Variants in HROB observed in about 807,000 individuals in gnomAD.
HROB encodes homologous recombination OB-fold protein.
In HROB, 44 loss-of-function variants were observed where a neutral mutation model predicts 61.0. The ratio of observed to expected loss-of-function variants is 0.72; its 90% CI spans 0.57 to 0.93. The LOEUF (loss-of-function observed/expected upper bound fraction) is 0.93, where lower values mean the gene tolerates loss of function less well. Among genes scored for constraint, HROB ranks in the 40% least tolerant of loss-of-function variants. The pLI, the probability that HROB is intolerant of heterozygous loss-of-function variation, is 0.00. For missense variants in HROB, 716 were observed against 796.2 expected (o/e 0.90, Z 1.21); for synonymous variants, 301 against 310.4 (o/e 0.97, Z 0.32).
chr17:44,160,345 A>T (rs940592963), intron 9 of HROB, among the ~76,000 whole-genome samples: 2 of 152,194 alleles, frequency 1.3e-5, no homozygotes, highest in East Asian at 3.9e-4. Flanking sequence ...AGGTGGGCGG[A>T]TCACGAGGTC....
In HROB at chr17:44,152,921, C is replaced by G. The variant is rs1282894191; in HGVS notation, c.1449+144C>G. ...CAGCACGAAGCCCCTTTGGTTGTAT[C>G]TTCCACTTACCTACCTTTTCACTGT... On this transcript the variant is annotated intron_variant, in intron 5 of 9. Coordinates refer to ENST00000585683, the MANE Select transcript of HROB (RefSeq NM_001171251.3). The G allele has an allele frequency of 2.9e-6, 3 of 1,038,506 alleles. No homozygotes were observed. The African/African-American group carries it at 4.8e-5, about 17-fold the overall frequency. The allele number at this position is 1,038,506 out of a possible 1,614,324, so 64.3% of individuals were successfully genotyped here. A position where few individuals can be genotyped will look rare whatever the true frequency, so the allele number is the denominator to read the frequency against.
intron 2 of HROB, among the ~76,000 whole-genome samples, chr17:44,146,234 G>A (rs893127457): frequency 1.3e-5 from 2 of 152,090 alleles, no homozygotes; most frequent in African/African-American, 4.8e-5. Flanking sequence ...TTTTTTTGTA[G>A]AGACAGGGTC....
chr17:44,148,685 T>C lies in HROB; in HGVS notation c.882T>C (p.Asn294=), dbSNP rs756598724. The change falls in exon 3 of 10, where the codon AAT becomes AAC. Residue 294 remains asparagine, a synonymous_variant. Coordinates refer to ENST00000585683, the MANE Select transcript of HROB (RefSeq NM_001171251.3). The stretch of plus-strand genomic sequence containing the variant: ...GGACCATTCAGAGCAGCCCTCAAAA[T>C]CGTTTCCCTTGTCAGCCATTCCAGT... ...ARGTIQSSPQ[N]RFPCQPFQSP... The C allele has an allele frequency of 6.2e-7, 1 of 1,614,046 alleles. No individual in the cohort carries two copies. Among genetic ancestry groups the C allele is most frequent in the East Asian group, 2.2e-5 (1 of 44,894 alleles).
chr17:44,147,048 T>TGTGTGAGA (rs141060194), intron 2 of HROB, among the ~76,000 whole-genome samples: 2 of 149,208 alleles, frequency 1.3e-5, no homozygotes, highest in African/African-American at 5.0e-5. Flanking sequence ...TGTGTGTGTG[T>TGTGTGAGA]GAGAGAGAGA....
intron 2 of HROB, 96 bp from the exon 3 acceptor site, chr17:44,147,762 C>A: frequency 1.6e-6 from 2 of 1,238,580 alleles, no homozygotes; most frequent in Non-Finnish European, 2.2e-6. Context: ...TTTCAAGTAT[C>A]TACACACAAA....
At chr17:44,161,742 G>C in intron 9 of HROB, 129 bp from the exon 10 acceptor site, 1 of 941,042 alleles carries the variant, frequency 1.1e-6, no homozygotes, top group Non-Finnish European at 1.7e-6. Context: ...GGGTACCACT[G>C]CCTGGAGGAG....
At chr17:44,145,479 A>G (rs778633249) in intron 2 of HROB, among the ~76,000 whole-genome samples, 1 of 152,222 alleles carries the variant, frequency 6.6e-6, no homozygotes, top group African/African-American at 2.4e-5. Context: ...CCTTTAAATT[A>G]TAAGGGCTCT....
intron 8 of HROB, 65 bp downstream of exon 8, chr17:44,155,476 C>A: frequency 1.3e-6 from 2 of 1,590,018 alleles, no homozygotes; most frequent in East Asian, 4.5e-5. Context: ...CTTCTGATTT[C>A]TTCCTCTCTT....
At position 44,152,642 on chromosome 17, in the gene HROB, T is replaced by G. The variant is rs759440550; in HGVS notation, c.1314T>G (p.Val438=). 6.2e-7 allele frequency: 1 copy of G among 1,614,090 alleles called. No individual in the cohort carries two copies. The highest frequency in any genetic ancestry group is 1.1e-5 in the South Asian group (1 of 91,070). The change falls in exon 5 of 10, where the codon GTT becomes GTG. Residue 438 remains valine (V), a synonymous_variant. Transcript: ENST00000585683. ...GALAKFQTEI[V]ASSQASVEED... ...CCTCTGCTCTGTGGTACCAGATTGT[T>G]GCTAGTTCCCAGGCATCTGTGGAGG... is the stretch of plus-strand genomic sequence containing the variant.
intron 8 of HROB, among the ~76,000 whole-genome samples, chr17:44,157,521 C>G (rs2054008470): frequency 6.8e-6 from 1 of 147,604 alleles, no homozygotes; most frequent in South Asian, 2.2e-4. Context: ...TCAAGCGATT[C>G]TCATGCCTCA....
chr17:44,142,688 C>T (rs1381187268), intron 1 of HROB, among the ~76,000 whole-genome samples: 1 of 152,054 alleles, frequency 6.6e-6, no homozygotes, highest in Non-Finnish European at 1.5e-5. Flanking sequence ...GAACTGGCTA[C>T]AGCAGCCCTG....
At chr17:44,161,823 G>T (rs1166047385) in intron 9 of HROB, 48 bp from the exon 10 acceptor site, 1 of 1,591,416 alleles carries the variant, frequency 6.3e-7, no homozygotes, top group Non-Finnish European at 8.6e-7. Flanking sequence ...GAGTCACATG[G>T]AATGCTGATG....
chr17:44,142,178 C>T (rs1313346472), intron 1 of HROB, 33 bp downstream of exon 1: 2 of 1,501,788 alleles, frequency 1.3e-6, no homozygotes, highest in Admixed American at 4.3e-5. Flanking sequence ...GGCTGGCGGG[C>T]CGCAGGGCCC....
Position 44,161,882 on chromosome 17 carries a change from G to A in HROB, c.1891G>A (p.Gly631Arg). ...EELPEADDLDGLLSELPEDFF... is the reference protein window; with the variant it reads ...EELPEADDLDRLLSELPEDFF... ...TCCCCTCTCTGTAGATGACCTGGAT[G>A]GACTCCTGAGTGAGCTTCCTGAAGA... Residue 631 changes from glycine to arginine, a missense_variant, in exon 10 of 10, where the codon GGA becomes AGA. Transcript: ENST00000585683. The A allele has an allele frequency of 6.2e-7, 1 of 1,614,096 alleles. No individual in the cohort carries two copies. The highest frequency in any genetic ancestry group is 1.1e-5 in the South Asian group (1 of 91,084).
At position 44,157,871 on chromosome 17, in the gene HROB, C is replaced by T. The variant is rs563881682; in HGVS notation, c.1809C>T (p.Pro603=). 3 of 1,613,474 alleles carry T rather than the reference C, an allele frequency of 1.9e-6. No individual in the cohort carries two copies. The highest frequency in any genetic ancestry group is 2.2e-5 in the South Asian group (2 of 90,994). The change falls in exon 9 of 10, where the codon CCC becomes CCT. Residue 603 remains proline, a synonymous_variant. Coordinates refer to ENST00000585683, the MANE Select transcript of HROB (RefSeq NM_001171251.3). ...GSFQHDVAAK[P]EEGFRTAQNL... is the part of the protein sequence containing the mutation. The stretch of plus-strand genomic sequence containing the variant: ...TCCAGCATGATGTGGCTGCAAAGCC[C>T]GAGGAAGGCTTCAGAACAGCACAGA...
chr17:44,149,248 C>A (rs1342042228), intron 3 of HROB, among the ~76,000 whole-genome samples: 1 of 128,602 alleles, frequency 7.8e-6, no homozygotes, highest in Non-Finnish European at 1.5e-5. Context: ...TTTCTTTTTT[C>A]TTCTCCTTTT....
At position 44,150,583 on chromosome 17, in the gene HROB, G is replaced by A. The variant is rs1337639481; in HGVS notation, c.1225-378G>A. Among the ~76,000 whole-genome samples, 4 of 151,890 alleles carry A rather than the reference G, an allele frequency of 2.6e-5. No homozygotes were observed. The South Asian group carries it at 8.3e-4, about 32-fold the overall frequency. On this transcript the variant is annotated intron_variant, in intron 3 of 9. Transcript: ENST00000585683. ...TTTTGTATTTTTGGTAGAGATGGGGGTTTCTCCATGTTGGCCAGGCTGGTC... is the reference window on the plus strand; with the variant it reads ...TTTTGTATTTTTGGTAGAGATGGGGATTTCTCCATGTTGGCCAGGCTGGTC...
At position 44,153,739 on chromosome 17, in the gene HROB, C is replaced by T. The variant is rs569825097; in HGVS notation, c.1450-817C>T. On this transcript the variant is annotated intron_variant, in intron 5 of 9. Coordinates refer to ENST00000585683, the MANE Select transcript of HROB (RefSeq NM_001171251.3). ...AGCCTGGGCAATAAGAGTGAAACTC[C>T]GACTCAAGAAAAAAACAAAAACCAA... is the stretch of plus-strand genomic sequence containing the variant. 4.6e-5 allele frequency among the ~76,000 whole-genome samples: 7 copies of T among 151,610 alleles called. 1 individual carries two copies. The South Asian group carries it at 6.3e-4, about 14-fold the overall frequency.
chr17:44,155,684 T>C (rs989019936), intron 8 of HROB, among the ~76,000 whole-genome samples: 1 of 152,040 alleles, frequency 6.6e-6, no homozygotes. Context: ...TAGGAGTCAC[T>C]TGAGAACTAA....
Sources: gnomAD v4.1 joint callset for allele counts (sites outside exome capture counted in the v4.1 genomes callset) on GRCh38, gnomAD v4.1.1 for gene constraint, MANE v1.5 for transcripts, NCBI Gene and HGNC (gene_info 2026-07-23, HGNC 2026-07-21) for gene names.